The following AGBL4 variants were observed in gnomAD, a reference collection of about 807,000 sequenced individuals.
The protein encoded by AGBL4 is cytosolic carboxypeptidase 6.
A neutral mutation model predicts 66.4 loss-of-function variants in AGBL4; 58 were observed. The ratio of observed to expected loss-of-function variants is 0.87; its 90% CI spans 0.71 to 1.09. The LOEUF (loss-of-function observed/expected upper bound fraction) is 1.09. Among genes scored for constraint, AGBL4 ranks in the 50% least tolerant of loss-of-function variants. The probability of loss-of-function intolerance (pLI) is 0.00; values close to 1 mark genes in which losing one functional copy is unlikely to be tolerated. For missense variants in AGBL4, 579 were observed against 631.0 expected, an observed-to-expected ratio of 0.92 and a Z score of 0.88; for synonymous variants, 234 against 222.9, an observed-to-expected ratio of 1.05 and a Z score of -0.44.
chr1:49,451,817 G>C (rs1452333097), intron 3 of AGBL4, among the ~76,000 whole-genome samples: 1 of 151,806 alleles, frequency 6.6e-6, no homozygotes. Flanking sequence ...GACAATTGTA[G>C]AGTAAAGGAA....
intron 5 of AGBL4, among the ~76,000 whole-genome samples, chr1:48,985,032 A>C (rs3118215): frequency 0.57 from 86,710 of 151,892 alleles, 25,166 homozygotes; most frequent in Non-Finnish European, 0.61. Context: ...CTAGCTGAGA[A>C]AGAATAACAG....
chr1:48,788,186 T>A (rs1047679646), intron 6 of AGBL4, among the ~76,000 whole-genome samples: 2 of 152,234 alleles, frequency 1.3e-5, no homozygotes, highest in Non-Finnish European at 2.9e-5. Context: ...ACAAGGCATG[T>A]AAAGTGCCTG....
chr1:49,291,780 G>A (rs548589897), intron 3 of AGBL4, among the ~76,000 whole-genome samples: 14 of 152,338 alleles, frequency 9.2e-5, no homozygotes, highest in African/African-American at 3.4e-4. Context: ...GCAGCAGGGA[G>A]GCATGGCTGG....
chr1:49,001,895 A>G (rs1661419777), intron 5 of AGBL4, among the ~76,000 whole-genome samples: 1 of 152,186 alleles, frequency 6.6e-6, no homozygotes, highest in Admixed American at 6.5e-5. Context: ...GTACCCTGCC[A>G]TTGGAACCTG....
Position 49,654,422 on chromosome 1 carries a change from T to C in AGBL4, c.282+42891A>G, listed in dbSNP as rs1291544325. Among the ~76,000 whole-genome samples the C allele has an allele frequency of 9.7e-4, 147 of 152,312 alleles. 3 individuals are homozygous for C. Among genetic ancestry groups the C allele is most frequent in the Non-Finnish European group, 1.0e-4 (7 of 68,030 alleles). On this transcript the variant is annotated intron_variant, in intron 3 of 13. Transcript: ENST00000371839. ...TCTGTTGATTTGGGGTGGAGAGTTC[T>C]GTAGATGTCTATTAGGTCTGCTTGG...
chr1:48,878,921 T>C (rs1649485349), intron 5 of AGBL4, among the ~76,000 whole-genome samples: 1 of 152,164 alleles, frequency 6.6e-6, no homozygotes, highest in African/African-American at 2.4e-5. Context: ...GTCTATTTTC[T>C]GCATTTGACT....
At chr1:49,032,682 G>A (rs1403825199) in intron 5 of AGBL4, among the ~76,000 whole-genome samples, 1 of 152,150 alleles carries the variant, frequency 6.6e-6, no homozygotes, top group Non-Finnish European at 1.5e-5. Flanking sequence ...CACCTCATAT[G>A]TTGTAACCCT....
chr1:49,542,703 G>A (rs1446361427), intron 3 of AGBL4, among the ~76,000 whole-genome samples: 3 of 151,934 alleles, frequency 2.0e-5, no homozygotes, highest in African/African-American at 7.3e-5. Flanking sequence ...TTTGAGACCA[G>A]CCTGGCCAAC....
Position 49,349,549 on chromosome 1 carries a change from A to C in AGBL4, c.283-103685T>G, listed in dbSNP as rs546130693. Among the ~76,000 whole-genome samples the C allele has an allele frequency of 2.6e-5, 4 of 152,262 alleles. No individual in the cohort carries two copies. The South Asian group carries it at 8.3e-4, about 32-fold the overall frequency. ...AAGCAGCTTCCTCCTTCCAAGAGGG[A>C]ACATGCTCCTTATATATATTTGTTG... is the stretch of plus-strand genomic sequence containing the variant. On this transcript the variant is annotated intron_variant, in intron 3 of 13. Transcript: ENST00000371839.
At chr1:48,728,482 C>CTTTT (rs11441549) in intron 6 of AGBL4, among the ~76,000 whole-genome samples, 1 of 137,126 alleles carries the variant, frequency 7.3e-6, no homozygotes, top group Non-Finnish European at 1.6e-5. Context: ...TTCTGACTTG[C>CTTTT]TTTTTTTTTT....
chr1:49,814,669 C>G (rs1296061323), intron 2 of AGBL4, among the ~76,000 whole-genome samples: 1 of 152,036 alleles, frequency 6.6e-6, no homozygotes, highest in Admixed American at 6.6e-5. Context: ...TTTCCTGTTC[C>G]TCCCATCTCA....
At chr1:49,929,664 A>G (rs1246966415) in intron 1 of AGBL4, among the ~76,000 whole-genome samples, 1 of 149,910 alleles carries the variant, frequency 6.7e-6, no homozygotes, top group Non-Finnish European at 1.5e-5. Flanking sequence ...TTTCAAGCAG[A>G]AAAAAAAAAG....
chr1:48,540,259 C>T (rs1456525304), intron 11 of AGBL4, among the ~76,000 whole-genome samples: 1 of 152,170 alleles, frequency 6.6e-6, no homozygotes, highest in African/African-American at 2.4e-5. Flanking sequence ...TCCCACTGCA[C>T]CTTGAAATTC....
chr1:49,802,743 T>C (rs1385210122), intron 2 of AGBL4, among the ~76,000 whole-genome samples: 2 of 152,146 alleles, frequency 1.3e-5, no homozygotes, highest in African/African-American at 4.8e-5. Flanking sequence ...GTGACCCCCC[T>C]GGACCCAGCT....
intron 4 of AGBL4, among the ~76,000 whole-genome samples, chr1:49,055,203 C>G (rs1024216476): frequency 1.3e-5 from 2 of 151,596 alleles, no homozygotes; most frequent in African/African-American, 2.4e-5. Flanking sequence ...ATTGAGAAGG[C>G]CTTCAGTTTT....
chr1:49,512,795 T>C (rs1456419409), intron 3 of AGBL4, among the ~76,000 whole-genome samples: 1 of 151,780 alleles, frequency 6.6e-6, no homozygotes, highest in Non-Finnish European at 1.5e-5. Context: ...ATATTACTGA[T>C]GAGAAAACAG....
intron 4 of AGBL4, among the ~76,000 whole-genome samples, chr1:49,056,261 A>G (rs1389159335): frequency 2.0e-5 from 3 of 152,176 alleles, no homozygotes; most frequent in Admixed American, 6.6e-5. Flanking sequence ...GGGGGAAAAA[A>G]AAAAGCAATT....
At chr1:49,185,112 A>G (rs1465453357) in intron 4 of AGBL4, among the ~76,000 whole-genome samples, 1 of 152,188 alleles carries the variant, frequency 6.6e-6, no homozygotes, top group Admixed American at 6.6e-5. Flanking sequence ...CACCCAGCTG[A>G]TAATTATGTG....
At chr1:49,852,978 C>T (rs1454536616) in intron 1 of AGBL4, among the ~76,000 whole-genome samples, 3 of 152,150 alleles carry the variant, frequency 2.0e-5, no homozygotes, top group Non-Finnish European at 4.4e-5. Flanking sequence ...CACAAGCCCC[C>T]ACCCAAATGA....
Sources: allele counts gnomAD v4.1 joint callset (sites outside exome capture counted in the v4.1 genomes callset), GRCh38; gene constraint gnomAD v4.1.1; transcripts MANE v1.5; gene names NCBI Gene and HGNC (gene_info 2026-07-23, HGNC 2026-07-21).